Variants in PPP4R3B observed in about 807,000 individuals in gnomAD.
PPP4R3B encodes the protein serine/threonine-protein phosphatase 4 regulatory subunit 3B.
In PPP4R3B, 52 loss-of-function variants were observed where a neutral mutation model predicts 95.4. That is an observed-to-expected ratio of 0.54 (90% CI 0.44 to 0.69). PPP4R3B has a LOEUF of 0.69. PPP4R3B is among the 30% of genes least tolerant of loss of function. PPP4R3B has a pLI of 0.00. For synonymous variants in PPP4R3B, 407 were observed against 343.9 expected (o/e 1.18, Z -2.03); for missense variants, 1,003 against 1,005.9 (o/e 1.00, Z 0.04).
At position 55,557,142 on chromosome 2, in the gene PPP4R3B, T is replaced by C. The variant is rs555162265; in HGVS notation, c.2454+1633A>G. 3.0e-4 allele frequency among the ~76,000 whole-genome samples: 46 copies of C among 152,300 alleles called. 1 individual carries two copies. In the South Asian group the frequency reaches 8.5e-3, roughly 28 times the overall value. On this transcript the variant is annotated intron_variant, in intron 16 of 16. Coordinates refer to ENST00000616407, the MANE Select transcript of PPP4R3B (RefSeq NM_001122964.3). Reference sequence around the variant, plus strand: ...AGATTAAATAACTTATACAAGGTGATACAGCTACAAAGAGGCAGAGCCAAG... The same window carrying C: ...AGATTAAATAACTTATACAAGGTGACACAGCTACAAAGAGGCAGAGCCAAG...
In PPP4R3B at chr2:55,617,380, T is replaced by TGGC. The variant is rs1281978428; in HGVS notation, c.-98_-96dup. ...GAGACGGTAAAGGCAGTAGTGGCGG[T>TGGC]GGCGGCGGCGGCGGCTTCGGAGAGG... On this transcript the variant is annotated 5_prime_UTR_variant, in exon 1 of 17. Coordinates refer to ENST00000616407, the MANE Select transcript of PPP4R3B (RefSeq NM_001122964.3). 78 of 1,356,064 alleles carry TGGC rather than the reference T, an allele frequency of 5.8e-5. No homozygotes were observed. The South Asian group carries it at 6.3e-4, about 11-fold the overall frequency. 84.0% of individuals were successfully genotyped at this position (1,356,064 alleles called of 1,614,324 possible). A position where few individuals can be genotyped will look rare whatever the true frequency, so the allele number is the denominator to read the frequency against.
intron 16 of PPP4R3B, among the ~76,000 whole-genome samples, chr2:55,552,222 G>A (rs1455522479): frequency 6.6e-6 from 1 of 152,146 alleles, no homozygotes; most frequent in Non-Finnish European, 1.5e-5. Context: ...ATCTAGAGAT[G>A]CACTTTGTGA....
intron 2 of PPP4R3B, among the ~76,000 whole-genome samples, chr2:55,609,917 C>G (rs962155127): frequency 3.3e-5 from 5 of 152,128 alleles, no homozygotes; most frequent in Admixed American, 6.5e-5. Context: ...ACTGTACGGA[C>G]AGAATCTGGC....
At chr2:55,597,296 G>A (rs4643582) in intron 4 of PPP4R3B, among the ~76,000 whole-genome samples, 5,690 of 152,116 alleles carry the variant, frequency 0.037, 147 homozygotes, top group South Asian at 0.091. Flanking sequence ...AGACCAGCCT[G>A]ACCAACATGG....
chr2:55,569,264 T>C (rs1341813301), intron 12 of PPP4R3B, among the ~76,000 whole-genome samples: 2 of 152,034 alleles, frequency 1.3e-5, no homozygotes, highest in Non-Finnish European at 2.9e-5. Context: ...GGTCTAGCGG[T>C]AGCGTTAGTG....
intron 2 of PPP4R3B, among the ~76,000 whole-genome samples, chr2:55,613,156 T>G (rs185718051): frequency 8.5e-5 from 13 of 152,200 alleles, no homozygotes; most frequent in Non-Finnish European, 5.9e-5. Flanking sequence ...GGTGAAAATA[T>G]GAAAAACCAT....
chr2:55,551,710 C>G (rs1198612880), intron 16 of PPP4R3B, among the ~76,000 whole-genome samples: 1 of 151,994 alleles, frequency 6.6e-6, no homozygotes, highest in African/African-American at 2.4e-5. Flanking sequence ...AAGATTGCAC[C>G]ACTGCACTCC....
Position 55,585,090 on chromosome 2 carries a change from G to A in PPP4R3B, c.1194C>T (p.Val398=). 6.2e-7 allele frequency: 1 copy of A among 1,611,192 alleles called. No homozygotes were observed. Among genetic ancestry groups the A allele is most frequent in the Non-Finnish European group, 8.5e-7 (1 of 1,178,900 alleles). ...GAGCTTCTTGCATTACAAACTCTCG[G>A]ACCATAGATGGACTAAATTCTACTA... is the stretch of plus-strand genomic sequence containing the variant. ...SYLVEFSPSM[V]REFVMQEAQQ... Residue 398 remains valine, a synonymous_variant, in exon 7 of 17, where the codon GTC becomes GTT. Coordinates refer to ENST00000616407, the MANE Select transcript of PPP4R3B (RefSeq NM_001122964.3).
At chr2:55,601,757 C>T (rs922805374) in intron 3 of PPP4R3B, among the ~76,000 whole-genome samples, 7 of 152,116 alleles carry the variant, frequency 4.6e-5, no homozygotes, top group Non-Finnish European at 8.8e-5. Context: ...CAGGTTACAT[C>T]TACTACCATA....
intron 3 of PPP4R3B, among the ~76,000 whole-genome samples, chr2:55,600,633 T>C (rs1572699638): frequency 2.0e-5 from 3 of 152,006 alleles, no homozygotes; most frequent in Admixed American, 1.3e-4. Flanking sequence ...TTCAGCAACA[T>C]GCACAGATTT....
chr2:55,579,657 C>G, intron 9 of PPP4R3B, 22 bp downstream of exon 9: 6 of 1,453,982 alleles, frequency 4.1e-6, no homozygotes, highest in Non-Finnish European at 5.5e-6. Flanking sequence ...GAAATCACAG[C>G]AGATAAATAA....
At chr2:55,568,854 G>A (rs548234002) in intron 12 of PPP4R3B, among the ~76,000 whole-genome samples, 12 of 152,308 alleles carry the variant, frequency 7.9e-5, no homozygotes, top group Non-Finnish European at 1.3e-4. Flanking sequence ...CCTCTCTGAG[G>A]GAGGGAGCTT....
At chr2:55,615,577 TA>T in intron 1 of PPP4R3B, 71 bp from the exon 2 acceptor site, 1 of 1,143,334 alleles carries the variant, frequency 8.7e-7, no homozygotes, top group Non-Finnish European at 1.3e-6. Flanking sequence ...GAATACACAT[TA>T]AAGCCGGGCG....
At chr2:55,591,407 T>TGA in intron 4 of PPP4R3B, 1 of 483,392 alleles carries the variant, frequency 2.1e-6, no homozygotes, top group Non-Finnish European at 2.7e-6. Flanking sequence ...CCTCCCAAAG[T>TGA]GCTAGGACTA....
At chr2:55,567,247 T>C (rs1349886740) in intron 13 of PPP4R3B, among the ~76,000 whole-genome samples, 1 of 152,196 alleles carries the variant, frequency 6.6e-6, no homozygotes, top group East Asian at 1.9e-4. Context: ...CTGATTGTGC[T>C]ACTATCCAAA....
At chr2:55,561,246 A>T (rs1198480895) in intron 15 of PPP4R3B, among the ~76,000 whole-genome samples, 1 of 152,212 alleles carries the variant, frequency 6.6e-6, no homozygotes. Context: ...GCAAGAACTG[A>T]GGTTTGGTAA....
At chr2:55,580,983 T>A (rs1689368398) in intron 8 of PPP4R3B, among the ~76,000 whole-genome samples, 1 of 152,218 alleles carries the variant, frequency 6.6e-6, no homozygotes. Context: ...CCGGGCATGG[T>A]GACTCACACC....
At chr2:55,570,575 T>C (rs1050045284) in intron 12 of PPP4R3B, among the ~76,000 whole-genome samples, 9 of 152,252 alleles carry the variant, frequency 5.9e-5, no homozygotes, top group Non-Finnish European at 1.2e-4. Context: ...CTTTAACTTG[T>C]ATCCTTTCCC....
chr2:55,581,070 T>G (rs528034912), intron 8 of PPP4R3B, among the ~76,000 whole-genome samples: 1 of 152,108 alleles, frequency 6.6e-6, no homozygotes, highest in South Asian at 2.1e-4. Flanking sequence ...CTGACCAACA[T>G]GATGAAACCC....
Sources: allele counts gnomAD v4.1 joint callset (sites outside exome capture counted in the v4.1 genomes callset), GRCh38; gene constraint gnomAD v4.1.1; transcripts MANE v1.5; gene names NCBI Gene and HGNC (gene_info 2026-07-23, HGNC 2026-07-21).